Variants in SLC45A1 observed in about 807,000 individuals in gnomAD.
SLC45A1 encodes proton-associated sugar transporter A.
A neutral mutation model predicts 57.6 loss-of-function variants in SLC45A1; 28 were observed. That is an observed-to-expected ratio of 0.49 (90% CI 0.36 to 0.67). The LOEUF (loss-of-function observed/expected upper bound fraction) is 0.67, where lower values mean the gene tolerates loss of function less well. Ranked by LOEUF, SLC45A1 falls within the 30% of genes least tolerant of loss-of-function variation. The pLI, the probability that SLC45A1 is intolerant of heterozygous loss-of-function variation, is 0.00. For synonymous variants in SLC45A1, 459 were observed against 471.5 expected (o/e 0.97, Z 0.34); for missense variants, 814 against 1,041.5 (o/e 0.78, Z 3.01).
chr1:8,334,240 C>G (rs1026513949), intron 5 of SLC45A1, among the ~76,000 whole-genome samples: 3 of 152,222 alleles, frequency 2.0e-5, no homozygotes, highest in African/African-American at 4.8e-5. Flanking sequence ...AATATAAACG[C>G]ATCCAGGCTC....
chr1:8,335,452 C>T lies in SLC45A1; in HGVS notation c.1459C>T (p.Leu487Phe). The part of the protein sequence containing the change: ...TFSQQVANIL[L>F]NGVKYESELT... ...CTCTTCCCAGGTGGCCAATATCCTGCTCAACGGCGTGAAGTATGAGAGCGA... is the reference window on the plus strand; with the variant it reads ...CTCTTCCCAGGTGGCCAATATCCTGTTCAACGGCGTGAAGTATGAGAGCGA... The change falls in exon 6 of 9, where the codon CTC becomes TTC. Residue 487 changes from leucine to phenylalanine, a missense_variant. By Grantham distance (22) the Leu-to-Phe change is conservative. Coordinates refer to ENST00000471889, the MANE Select transcript of SLC45A1 (RefSeq NM_001080397.3). The surrounding 1 kb of genome is among the most constrained non-coding windows in gnomAD (Gnocchi z 4.1). 1 of 1,594,422 alleles carries T rather than the reference C, an allele frequency of 6.3e-7. No individual in the cohort carries two copies.
At chr1:8,338,828 G>A (rs192173746) in intron 7 of SLC45A1, among the ~76,000 whole-genome samples, 18 of 151,940 alleles carry the variant, frequency 1.2e-4, no homozygotes, top group Non-Finnish European at 1.9e-4. Flanking sequence ...CTTCGCCTTC[G>A]ATCCATAATC....
At position 8,335,038 on chromosome 1, in the gene SLC45A1, AC is replaced by A. The variant is rs1272448110; in HGVS notation, c.1444-397del. Among the ~76,000 whole-genome samples the A allele has an allele frequency of 1.3e-5, 2 of 152,200 alleles. No individual in the cohort carries two copies. Among genetic ancestry groups the A allele is most frequent in the African/African-American group, 4.8e-5 (2 of 41,448 alleles). ...TTTTGAACACATGTTCCTGGTGGCC[AC>A]CTTGAAATAAGTCGTTCCCAGTCTT... On this transcript the variant is annotated intron_variant, in intron 5 of 8. Transcript: ENST00000471889. The surrounding 1 kb of genome is among the most constrained non-coding windows in gnomAD (Gnocchi z 4.1).
rs977222389 is a variant in SLC45A1 at position 8,327,730 on chromosome 1, C to A, written c.715+1688C>A. On this transcript the variant is annotated intron_variant, in intron 4 of 8. Coordinates refer to ENST00000471889, the MANE Select transcript of SLC45A1 (RefSeq NM_001080397.3). This position sits in a 1 kb window ranked among gnomAD's most constrained non-coding sequence, Gnocchi z 4.3. ...AGAATAAAATGGAAGAAAAAAATTC[C>A]ATTTAAAATAGCAACTGGGGCTGGG... 6.6e-6 allele frequency among the ~76,000 whole-genome samples: 1 copy of A among 152,086 alleles called. No homozygotes were observed. Among genetic ancestry groups the A allele is most frequent in the African/African-American group, 2.4e-5 (1 of 41,396 alleles).
In SLC45A1 at chr1:8,340,083, C is replaced by T. The variant is rs1431336657; in HGVS notation, c.1980+385C>T. Among the ~76,000 whole-genome samples, 4 of 151,990 alleles carry T rather than the reference C, an allele frequency of 2.6e-5. No homozygotes were observed. The East Asian group carries it at 5.8e-4, about 22-fold the overall frequency. The stretch of plus-strand genomic sequence containing the variant: ...GCTCGGAAAACTCAGCAATCCAGAT[C>T]GATAACATGTTAATGCAGTATTTTT... On this transcript the variant is annotated intron_variant, in intron 8 of 8. Coordinates refer to ENST00000471889, the MANE Select transcript of SLC45A1 (RefSeq NM_001080397.3).
chr1:8,320,692 TACACACACACAC>T (rs57414432), intron 1 of SLC45A1, among the ~76,000 whole-genome samples: 3,471 of 101,268 alleles, frequency 0.034, 143 homozygotes, highest in African/African-American at 0.1. Flanking sequence ...TCTCTCTCTC[TACACACACACAC>T]ACACACACAC....
intron 1 of SLC45A1, among the ~76,000 whole-genome samples, chr1:8,318,690 T>G (rs1262489955): frequency 6.6e-6 from 1 of 152,214 alleles, no homozygotes; most frequent in African/African-American, 2.4e-5. Context: ...GCCGTTCAGC[T>G]CCTTCTGCCC....
intron 1 of SLC45A1, 105 bp from the exon 2 acceptor site, chr1:8,324,201 C>T (rs138045691): frequency 4.3e-5 from 45 of 1,042,422 alleles, no homozygotes; most frequent in African/African-American, 4.0e-4. Context: ...ATTCTGCTTT[C>T]GGGGGATGGT....
chr1:8,341,020 A>G (rs370650304), intron 8 of SLC45A1, among the ~76,000 whole-genome samples: 43 of 151,888 alleles, frequency 2.8e-4, no homozygotes, highest in African/African-American at 8.2e-4. Flanking sequence ...GTGAAACCCC[A>G]TCTCTACTAA....
chr1:8,323,409 T>A (rs1844583), intron 1 of SLC45A1, among the ~76,000 whole-genome samples: 81,228 of 149,716 alleles, frequency 0.54, 23,353 homozygotes, highest in East Asian at 0.77. Flanking sequence ...GAGCGTGGCT[T>A]GAACCTGGGA....
intron 6 of SLC45A1, 50 bp from the exon 7 acceptor site, chr1:8,337,766 A>G: frequency 6.5e-7 from 1 of 1,541,280 alleles, no homozygotes; most frequent in Admixed American, 1.8e-5. Context: ...GAGAAAGGGC[A>G]GAGTGTTGGC....
At chr1:8,329,323 G>A (rs979047009) in intron 4 of SLC45A1, among the ~76,000 whole-genome samples, 9 of 152,182 alleles carry the variant, frequency 5.9e-5, no homozygotes, top group East Asian at 1.9e-4. Flanking sequence ...GCGGTAAACC[G>A]AGAGAACCCT....
chr1:8,335,381 T>G lies in SLC45A1; in HGVS notation c.1444-56T>G. On this transcript the variant is annotated intron_variant, in intron 5 of 8. Coordinates refer to ENST00000471889, the MANE Select transcript of SLC45A1 (RefSeq NM_001080397.3). The surrounding 1 kb of genome is among the most constrained non-coding windows in gnomAD (Gnocchi z 4.1). The stretch of plus-strand genomic sequence containing the variant: ...GCATTCCCCTGAGCAGAGCAGGGTC[T>G]GCGCTGTGTGATGGGGGTGCGGGGC... 1 of 1,514,334 alleles carries G rather than the reference T, an allele frequency of 6.6e-7. No homozygotes were observed. The highest frequency in any genetic ancestry group is 1.3e-5 in the South Asian group (1 of 79,538). 93.8% of individuals were successfully genotyped at this position (1,514,334 alleles called of 1,614,324 possible).
chr1:8,330,673 A>G lies in SLC45A1; in HGVS notation c.1180A>G (p.Ser394Gly). ...CGACAGCTACCTGGCCATCCCTGGC[A>G]GCGTCCCCAGGCCGCCCATCAGCGT... ...GHDSYLAIPG[S>G]VPRPPISVSF... Residue 394 changes from serine to glycine, a missense_variant, in exon 5 of 9, where the codon AGC becomes GGC. Physicochemically the swap from Ser to Gly is moderately conservative, Grantham distance 56. Coordinates refer to ENST00000471889, the MANE Select transcript of SLC45A1 (RefSeq NM_001080397.3). This position sits in a 1 kb window ranked among gnomAD's most constrained non-coding sequence, Gnocchi z 8.4. 6.2e-7 allele frequency: 1 copy of G among 1,613,270 alleles called. No individual in the cohort carries two copies. Among genetic ancestry groups the G allele is most frequent in the Non-Finnish European group, 8.5e-7 (1 of 1,179,992 alleles).
Position 8,338,000 on chromosome 1 carries a change from C to T in SLC45A1, c.1774+8C>T, listed in dbSNP as rs758401798. ...GTGCTGCCTTCTACTCAGGTACCCG[C>T]TGCCAGCCAGGCTGGCACGGCAGTG... On this transcript the variant is annotated splice_region_variant and intron_variant, in intron 7 of 8. Coordinates refer to ENST00000471889, the MANE Select transcript of SLC45A1 (RefSeq NM_001080397.3). The T allele has an allele frequency of 6.2e-7, 1 of 1,611,792 alleles. No individual in the cohort carries two copies. Among genetic ancestry groups the T allele is most frequent in the Non-Finnish European group, 8.5e-7 (1 of 1,179,082 alleles).
At chr1:8,324,752 T>C (rs774204411) in intron 2 of SLC45A1, 26 bp downstream of exon 2, 6 of 1,547,230 alleles carry the variant, frequency 3.9e-6, no homozygotes, top group Non-Finnish European at 5.2e-6. Context: ...TCCCCGATGG[T>C]GGAGGGCCTC....
At chr1:8,322,027 ATGGG>A (rs1557557360) in intron 1 of SLC45A1, among the ~76,000 whole-genome samples, 1 of 17,094 alleles carries the variant, frequency 5.9e-5, no homozygotes, top group Non-Finnish European at 1.1e-4. Flanking sequence ...GGATGGATGG[ATGGG>A]TGAGTGGGTG....
Position 8,328,815 on chromosome 1 carries a change from G to T in SLC45A1, c.716-1394G>T, listed in dbSNP as rs1339452811. Among the ~76,000 whole-genome samples the T allele has an allele frequency of 3.3e-5, 5 of 152,090 alleles. No individual in the cohort carries two copies. Among genetic ancestry groups the T allele is most frequent in the Non-Finnish European group, 7.4e-5 (5 of 68,018 alleles). Reference sequence around the variant, plus strand: ...GATGGTGCTGCTGCACTCCAGCCTGGGCAATAAGAGTGAAACTCCGTCTCA... The same window carrying T: ...GATGGTGCTGCTGCACTCCAGCCTGTGCAATAAGAGTGAAACTCCGTCTCA... On this transcript the variant is annotated intron_variant, in intron 4 of 8. Transcript: ENST00000471889. The surrounding 1 kb of genome is among the most constrained non-coding windows in gnomAD (Gnocchi z 4.6).
intron 8 of SLC45A1, among the ~76,000 whole-genome samples, chr1:8,341,836 C>T (rs1013506289): frequency 7.2e-5 from 11 of 152,018 alleles, no homozygotes; most frequent in Non-Finnish European, 1.3e-4. Flanking sequence ...AGGAGAATGG[C>T]TTGAACCTGG....
Sources: allele counts gnomAD v4.1 joint callset (sites outside exome capture counted in the v4.1 genomes callset), GRCh38; gene constraint gnomAD v4.1.1; non-coding constraint Gnocchi (gnomAD v3.1); transcripts MANE v1.5; gene names NCBI Gene and HGNC (gene_info 2026-07-23, HGNC 2026-07-21).